WDR59: variants seen among roughly 807,000 people sequenced by gnomAD.
WDR59 encodes the protein GATOR2 complex protein WDR59.
In WDR59, 100 loss-of-function variants were observed where a neutral mutation model predicts 131.2. The ratio of observed to expected loss-of-function variants is 0.76; its 90% CI spans 0.65 to 0.90. WDR59 has a LOEUF of 0.90. WDR59 is among the 40% of genes least tolerant of loss of function. WDR59 has a pLI of 0.00. For missense variants in WDR59, 1,203 were observed against 1,262.2 expected, an observed-to-expected ratio of 0.95 and a Z score of 0.71; for synonymous variants, 601 against 466.2, an observed-to-expected ratio of 1.29 and a Z score of -3.72.
At chr16:74,944,891 C>T (rs1049479150) in intron 6 of WDR59, among the ~76,000 whole-genome samples, 14 of 152,054 alleles carry the variant, frequency 9.2e-5, no homozygotes, top group Non-Finnish European at 1.3e-4. Context: ...TTTGGGAGGC[C>T]GAGGCAGGTA....
At chr16:74,933,281 GAC>G (rs1597742444) in intron 8 of WDR59, among the ~76,000 whole-genome samples, 1 of 152,150 alleles carries the variant, frequency 6.6e-6, no homozygotes, top group African/African-American at 2.4e-5. Context: ...CAGCCTGGGT[GAC>G]ACAGTGAGAT....
At chr16:74,959,763 A>G in intron 2 of WDR59, among the ~76,000 whole-genome samples, 1 of 150,974 alleles carries the variant, frequency 6.6e-6, no homozygotes, top group African/African-American at 2.4e-5. Flanking sequence ...CTAGGTGACA[A>G]AACAGAAAAA....
intron 7 of WDR59, among the ~76,000 whole-genome samples, chr16:74,942,208 C>T (rs1224832995): frequency 6.6e-6 from 1 of 152,110 alleles, no homozygotes; most frequent in Non-Finnish European, 1.5e-5. Context: ...GAGTGATATG[C>T]ACAATACTTT....
chr16:74,912,231 G>C lies in WDR59; in HGVS notation c.1356C>G (p.Thr452=), dbSNP rs779015490. The C allele has an allele frequency of 6.8e-6, 11 of 1,614,164 alleles. No individual in the cohort carries two copies. In the East Asian group the frequency reaches 2.5e-4, roughly 36 times the overall value. Residue 452 remains threonine, a synonymous_variant, in exon 14 of 26, where the codon ACC becomes ACG. Transcript: ENST00000262144. The part of the protein sequence containing the change: ...APSFQFINPT[T]ITSTMKAKLL... The stretch of plus-strand genomic sequence containing the variant: ...GCTTAGCTTTCATGGTGGATGTGAT[G>C]GTTGTGGGGTTAATAAACTGGAAGG...
At chr16:74,877,174 CTGA>C in intron 25 of WDR59, among the ~76,000 whole-genome samples, 1 of 152,186 alleles carries the variant, frequency 6.6e-6, no homozygotes, top group East Asian at 1.9e-4. Context: ...ACTGAATGTG[CTGA>C]TAAGTCAGTA....
chr16:74,931,647 T>C (rs2031397395), intron 8 of WDR59, among the ~76,000 whole-genome samples: 1 of 152,072 alleles, frequency 6.6e-6, no homozygotes, highest in South Asian at 2.1e-4. Flanking sequence ...GAACTTTCTA[T>C]AATAATAAGG....
chr16:74,874,095 C>G lies in WDR59; in HGVS notation c.*114G>C. 3 of 866,190 alleles carry G rather than the reference C, an allele frequency of 3.5e-6. No homozygotes were observed. Among genetic ancestry groups the G allele is most frequent in the Non-Finnish European group, 5.3e-6 (3 of 561,318 alleles). 53.7% of individuals were successfully genotyped at this position (866,190 alleles called of 1,614,324 possible). A position where few individuals can be genotyped will look rare whatever the true frequency, so the allele number is the denominator to read the frequency against. ...GCTGCGCAGTCCTTGGGGGATCATC[C>G]TCCGGTCTCACTGGGGACGAACCCA... On this transcript the variant is annotated 3_prime_UTR_variant, in exon 26 of 26. Transcript: ENST00000262144.
rs1451292047 is a variant in WDR59, at chr16:74,909,802, GAC to G, written c.1485+18_1485+19del. 6.2e-7 allele frequency: 1 copy of G among 1,604,996 alleles called. No homozygotes were observed. The highest frequency in any genetic ancestry group is 8.5e-7 in the Non-Finnish European group (1 of 1,177,754). On this transcript the variant is annotated intron_variant, in intron 15 of 25. Coordinates refer to ENST00000262144, the MANE Select transcript of WDR59 (RefSeq NM_030581.4). ...AAAACACCAAAGCCTAAGTTGGTAT[GAC>G]AGTTTCATGCTTCCCACCACAAAGG... is the stretch of plus-strand genomic sequence containing the variant.
At chr16:74,948,054 G>A (rs1262435440) in intron 6 of WDR59, among the ~76,000 whole-genome samples, 2 of 152,148 alleles carry the variant, frequency 1.3e-5, no homozygotes, top group Non-Finnish European at 2.9e-5. Context: ...TGGGCAACAA[G>A]AGCAAGACTC....
chr16:74,930,166 T>G (rs2031249980), intron 8 of WDR59, among the ~76,000 whole-genome samples: 1 of 152,154 alleles, frequency 6.6e-6, no homozygotes, highest in African/African-American at 2.4e-5. Context: ...AATAATTTAT[T>G]GTACATTTAA....
chr16:74,972,805 G>C (rs1327234047), intron 1 of WDR59, among the ~76,000 whole-genome samples: 3 of 112,154 alleles, frequency 2.7e-5, no homozygotes, highest in African/African-American at 3.3e-5. Flanking sequence ...CTGGGTGACA[G>C]AGCAGGACTC....
intron 20 of WDR59, 91 bp downstream of exon 20, chr16:74,892,393 T>C (rs1480037406): frequency 1.8e-6 from 2 of 1,120,654 alleles, no homozygotes; most frequent in Admixed American, 1.9e-5. Flanking sequence ...AGACACACAC[T>C]TTGAAAATGT....
intron 1 of WDR59, chr16:74,979,011 C>T (rs989928365): frequency 2.0e-5 from 3 of 152,216 alleles, no homozygotes; most frequent in African/African-American, 7.2e-5. Flanking sequence ...CAGCATCTTA[C>T]CTTTCCTTGA....
chr16:74,955,917 G>A (rs1434503287), intron 3 of WDR59, among the ~76,000 whole-genome samples: 1 of 151,868 alleles, frequency 6.6e-6, no homozygotes, highest in Non-Finnish European at 1.5e-5. Context: ...AAAGATTTTT[G>A]TATTAGAAAA....
chr16:74,947,477 A>G (rs2032721210), intron 6 of WDR59, among the ~76,000 whole-genome samples: 1 of 152,232 alleles, frequency 6.6e-6, no homozygotes, highest in Admixed American at 6.5e-5. Flanking sequence ...CTACAGGAAA[A>G]GAAAAACACA....
intron 4 of WDR59, among the ~76,000 whole-genome samples, chr16:74,951,247 C>T (rs536899957): frequency 6.6e-6 from 1 of 151,548 alleles, no homozygotes; most frequent in South Asian, 2.1e-4. Flanking sequence ...GGATGGGGGT[C>T]AACAGCTACG....
intron 18 of WDR59, among the ~76,000 whole-genome samples, chr16:74,897,185 T>C (rs1370848870): frequency 2.0e-5 from 3 of 152,326 alleles, no homozygotes; most frequent in African/African-American, 7.2e-5. Flanking sequence ...TCTGTCAGCA[T>C]CGTGACTCTG....
intron 6 of WDR59, among the ~76,000 whole-genome samples, chr16:74,943,069 A>ACTCT (rs2032354266): frequency 6.6e-6 from 1 of 152,196 alleles, no homozygotes; most frequent in Admixed American, 6.5e-5. Flanking sequence ...AAAAATCTAC[A>ACTCT]GGTCACTCTG....
chr16:74,925,978 C>G (rs1295792615), intron 8 of WDR59, among the ~76,000 whole-genome samples: 1 of 134,128 alleles, frequency 7.5e-6, no homozygotes, highest in East Asian at 2.2e-4. Context: ...GAGCACGATC[C>G]TGTCTCAAAA....
Sources: allele counts gnomAD v4.1 joint callset (sites outside exome capture counted in the v4.1 genomes callset), GRCh38; gene constraint gnomAD v4.1.1; transcripts MANE v1.5; gene names NCBI Gene and HGNC (gene_info 2026-07-23, HGNC 2026-07-21).